DCBLD2: variants seen among roughly 807,000 people sequenced by gnomAD.
DCBLD2 encodes discoidin, CUB and LCCL domain containing 2, also known as discoidin, CUB and LCCL domain-containing protein 2.
Under a neutral mutation model 86.8 loss-of-function variants are expected in DCBLD2, and 54 were observed. That is an observed-to-expected ratio of 0.62 (90% CI 0.50 to 0.78). The LOEUF (loss-of-function observed/expected upper bound fraction) is 0.78, where lower values mean the gene tolerates loss of function less well. DCBLD2 is among the 30% of genes least tolerant of loss of function. The pLI is 0.00. For synonymous variants in DCBLD2, 354 were observed against 341.3 expected (o/e 1.04, Z -0.41); for missense variants, 908 against 954.2 (o/e 0.95, Z 0.64).
chr3:98,848,872 T>A (rs1308917509), intron 3 of DCBLD2, among the ~76,000 whole-genome samples: 1 of 152,172 alleles, frequency 6.6e-6, no homozygotes, highest in Admixed American at 6.6e-5. Context: ...TTATAAATTT[T>A]AAAAATGTTA....
chr3:98,805,193 C>T (rs546373599), intron 13 of DCBLD2: 2 of 151,922 alleles, frequency 1.3e-5, no homozygotes, highest in Admixed American at 6.6e-5. Flanking sequence ...CATTTTAAAG[C>T]GTAGGTATAC....
At chr3:98,823,588 G>A (rs1490506409) in intron 4 of DCBLD2, among the ~76,000 whole-genome samples, 1 of 152,166 alleles carries the variant, frequency 6.6e-6, no homozygotes, top group Non-Finnish European at 1.5e-5. Context: ...TATTCCAGTG[G>A]TAGAAGACAT....
At chr3:98,881,917 A>G in intron 1 of DCBLD2, 150 bp from the exon 2 acceptor site, 2 of 770,266 alleles carry the variant, frequency 2.6e-6, no homozygotes, top group East Asian at 5.4e-5. Flanking sequence ...TGGACAAATA[A>G]TTGTACATAC....
intron 3 of DCBLD2, among the ~76,000 whole-genome samples, chr3:98,838,680 G>A (rs1942538257): frequency 6.6e-6 from 1 of 152,098 alleles, no homozygotes. Flanking sequence ...CGGCACTTTG[G>A]GAGGCCAAGG....
intron 13 of DCBLD2, 166 bp downstream of exon 13, chr3:98,807,915 T>C: frequency 2.3e-6 from 1 of 434,142 alleles, no homozygotes; most frequent in Non-Finnish European, 3.9e-6. Flanking sequence ...GATTGTGGAA[T>C]TGAACTTATT....
In DCBLD2 at chr3:98,895,571, G is replaced by T. The variant is rs1215757883; in HGVS notation, c.205+5551C>A. On this transcript the variant is annotated intron_variant, in intron 1 of 15. Coordinates refer to ENST00000326840, the MANE Select transcript of DCBLD2 (RefSeq NM_080927.4). ...GACAAGAAACCTACCAAACTTCAAA[G>T]CTTACCAATCTAAAACCACTTTATC... Among the ~76,000 whole-genome samples, 3 of 152,112 alleles carry T rather than the reference G, an allele frequency of 2.0e-5. No homozygotes were observed. The East Asian group carries it at 5.8e-4, about 29-fold the overall frequency.
chr3:98,838,540 G>A (rs1006448528), intron 3 of DCBLD2, among the ~76,000 whole-genome samples: 20 of 145,974 alleles, frequency 1.4e-4, no homozygotes, highest in South Asian at 4.5e-4. Flanking sequence ...GCGGCCGGGC[G>A]GAGACGCTCC....
intron 3 of DCBLD2, 93 bp from the exon 4 acceptor site, chr3:98,825,459 C>CT: frequency 2.0e-6 from 2 of 995,616 alleles, no homozygotes; most frequent in South Asian, 3.4e-5. Context: ...CTGTACTACT[C>CT]TAATTTTCAA....
chr3:98,869,501 T>C (rs898741650), intron 2 of DCBLD2, among the ~76,000 whole-genome samples: 2 of 152,238 alleles, frequency 1.3e-5, no homozygotes, highest in African/African-American at 4.8e-5. Context: ...TAATAAATTC[T>C]CTGCCTACGC....
chr3:98,864,878 C>T (rs373952619), intron 2 of DCBLD2, among the ~76,000 whole-genome samples: 13 of 151,652 alleles, frequency 8.6e-5, no homozygotes, highest in South Asian at 2.1e-4. Flanking sequence ...TGTTCTGCAC[C>T]GTTAAACACC....
chr3:98,823,138 G>A (rs1482366145), intron 4 of DCBLD2, among the ~76,000 whole-genome samples: 3 of 152,160 alleles, frequency 2.0e-5, no homozygotes, highest in African/African-American at 7.2e-5. Flanking sequence ...CTCCCAAACT[G>A]CTGGGATTTC....
chr3:98,896,754 G>A (rs1016903631), intron 1 of DCBLD2, among the ~76,000 whole-genome samples: 26 of 152,212 alleles, frequency 1.7e-4, no homozygotes, highest in African/African-American at 4.3e-4. Flanking sequence ...AAAGAAAACC[G>A]AATCCAGGAG....
At chr3:98,824,778 G>A (rs184557086) in intron 4 of DCBLD2, among the ~76,000 whole-genome samples, 1 of 152,240 alleles carries the variant, frequency 6.6e-6, no homozygotes, top group East Asian at 1.9e-4. Context: ...ATCATAATAA[G>A]TAGTTTCTCA....
Position 98,801,663 on chromosome 3 carries a change from GA to G in DCBLD2, c.1671-15del, listed in dbSNP as rs1203881420. 15 of 1,599,042 alleles carry G rather than the reference GA, an allele frequency of 9.4e-6. No homozygotes were observed. Among genetic ancestry groups the G allele is most frequent in the Non-Finnish European group, 1.3e-5 (15 of 1,171,732 alleles). On this transcript the variant is annotated splice_polypyrimidine_tract_variant and intron_variant, in intron 13 of 15. Transcript: ENST00000326840. Reference sequence around the variant, plus strand: ...GTTTTTTTCTTTCTGGAAAAATACAGAAGAGAAGTTAGCAAACAGAGTAAAT... The same window carrying G: ...GTTTTTTTCTTTCTGGAAAAATACAGAGAGAAGTTAGCAAACAGAGTAAAT...
At chr3:98,842,134 C>T (rs1231031952) in intron 3 of DCBLD2, among the ~76,000 whole-genome samples, 1 of 152,026 alleles carries the variant, frequency 6.6e-6, no homozygotes, top group African/African-American at 2.4e-5. Flanking sequence ...AAATATAGGC[C>T]GAAACAAGAA....
At chr3:98,841,758 T>C (rs1399231689) in intron 3 of DCBLD2, among the ~76,000 whole-genome samples, 2 of 152,202 alleles carry the variant, frequency 1.3e-5, no homozygotes, top group Admixed American at 6.5e-5. Flanking sequence ...CAAGTGCCTA[T>C]ATTTATTCTA....
Position 98,836,693 on chromosome 3 carries a change from T to C in DCBLD2, c.572-11327A>G, listed in dbSNP as rs1352932104. On this transcript the variant is annotated intron_variant, in intron 3 of 15. Transcript: ENST00000326840. ...CGGCCGGGCAGAGGCGCCCATCACC[T>C]CCCGGACGGGGCGGCTGGCCGGGCG... Among the ~76,000 whole-genome samples the C allele has an allele frequency of 6.2e-5, 6 of 97,544 alleles. 1 individual carries two copies. Among genetic ancestry groups the C allele is most frequent in the African/African-American group, 2.3e-4 (6 of 25,538 alleles). 64.0% of individuals were successfully genotyped at this position (97,544 alleles called of 152,430 possible).
At chr3:98,893,887 CAA>C (rs1461047547) in intron 1 of DCBLD2, among the ~76,000 whole-genome samples, 1 of 152,174 alleles carries the variant, frequency 6.6e-6, no homozygotes, top group East Asian at 1.9e-4. Context: ...ATCAGCTTTA[CAA>C]AGTGAGATAG....
rs865893736 is a variant in DCBLD2 at position 98,886,809 on chromosome 3, C to T, written c.206-5042G>A. On this transcript the variant is annotated intron_variant, in intron 1 of 15. Transcript: ENST00000326840. ...ATATTATTACAGGAAAACCCCCCCC[C>T]TTTTTTTTTTTTTTTTACTACTTAT... is the stretch of plus-strand genomic sequence containing the variant. 6.7e-3 allele frequency among the ~76,000 whole-genome samples: 814 copies of T among 121,492 alleles called. 14 individuals are homozygous for T. The highest frequency in any genetic ancestry group is 0.041 in the South Asian group (144 of 3,510). 79.7% of individuals were successfully genotyped at this position (121,492 alleles called of 152,430 possible). A position where few individuals can be genotyped will look rare whatever the true frequency, so the allele number is the denominator to read the frequency against.
Sources: allele counts gnomAD v4.1 joint callset (sites outside exome capture counted in the v4.1 genomes callset), GRCh38; gene constraint gnomAD v4.1.1; transcripts MANE v1.5; gene names NCBI Gene and HGNC (gene_info 2026-07-23, HGNC 2026-07-21).